The following NME7 variants were observed in gnomAD, a reference collection of about 807,000 sequenced individuals.
NME7 encodes nucleoside diphosphate kinase 7.
In NME7, 41 loss-of-function variants were observed where a neutral mutation model predicts 49.1. The ratio of observed to expected loss-of-function variants is 0.83; its 90% CI spans 0.65 to 1.08. The LOEUF (loss-of-function observed/expected upper bound fraction) is 1.08. NME7 is among the 50% of genes least tolerant of loss of function. NME7 has a pLI of 0.00. For synonymous variants in NME7, 139 were observed against 150.6 expected, an observed-to-expected ratio of 0.92 and a Z score of 0.56; for missense variants, 423 against 463.4, an observed-to-expected ratio of 0.91 and a Z score of 0.80.
At chr1:169,238,091 A>T (rs953433479) in intron 7 of NME7, among the ~76,000 whole-genome samples, 1 of 152,050 alleles carries the variant, frequency 6.6e-6, no homozygotes, top group Non-Finnish European at 1.5e-5. Context: ...GAAAAATCAA[A>T]TTGTAACTGA....
Position 169,298,690 on chromosome 1 carries a change from A to G in NME7, c.514T>C (p.Trp172Arg). 1 of 1,613,878 alleles carries G rather than the reference A, an allele frequency of 6.2e-7. No individual in the cohort carries two copies. Among genetic ancestry groups the G allele is most frequent in the South Asian group, 1.1e-5 (1 of 91,086 alleles). The change falls in exon 6 of 12, where the codon TGG becomes CGG. Residue 172 changes from tryptophan (W) to arginine (R), a missense_variant. Trp to Arg is a moderately radical substitution (Grantham distance 101). Transcript: ENST00000367811. ...TTTGCAGGTCCCAGCAGTCTTTTCC[A>G]TTCACATATAGCATCATCTCTTAAA... is the stretch of plus-strand genomic sequence containing the variant. ...EILRDDAICE[W>R]KRLLGPANSG...
intron 10 of NME7, among the ~76,000 whole-genome samples, chr1:169,184,108 G>A (rs1482501601): frequency 6.6e-6 from 1 of 151,310 alleles, no homozygotes; most frequent in Non-Finnish European, 1.5e-5. Context: ...ATTGTAAACT[G>A]TGACTATGAT....
chr1:169,153,346 T>C (rs761757611), intron 11 of NME7, among the ~76,000 whole-genome samples: 34 of 152,152 alleles, frequency 2.2e-4, no homozygotes, highest in Non-Finnish European at 4.1e-4. Context: ...GTCTCCACAA[T>C]CTAGCTCTAA....
intron 7 of NME7, among the ~76,000 whole-genome samples, chr1:169,274,189 T>C (rs1477648285): frequency 7.5e-6 from 1 of 133,542 alleles, no homozygotes; most frequent in East Asian, 2.0e-4. Flanking sequence ...GTCATTGTGG[T>C]TTTGATTTGC....
At chr1:169,193,192 C>A (rs2179492) in intron 10 of NME7, among the ~76,000 whole-genome samples, 54,112 of 151,732 alleles carry the variant, frequency 0.36, 10,420 homozygotes, top group East Asian at 0.73. Context: ...TACTTACTAT[C>A]TGGAGCTAAT....
chr1:169,180,261 A>G (rs1659887205), intron 10 of NME7, among the ~76,000 whole-genome samples: 1 of 152,228 alleles, frequency 6.6e-6, no homozygotes, highest in South Asian at 2.1e-4. Flanking sequence ...TTGTCTTCAT[A>G]GTATTATAAA....
intron 7 of NME7, among the ~76,000 whole-genome samples, chr1:169,250,852 T>C (rs947380339): frequency 6.6e-6 from 1 of 152,130 alleles, no homozygotes; most frequent in African/African-American, 2.4e-5. Flanking sequence ...TGATAACATT[T>C]CGATTTTTAA....
intron 7 of NME7, chr1:169,247,154 A>G (rs1648358185): frequency 2.2e-6 from 1 of 451,222 alleles, no homozygotes; most frequent in Admixed American, 2.4e-5. Context: ...AGGACAGTCT[A>G]AGAAAAACAA....
chr1:169,354,535 TTTG>T (rs992675497), intron 1 of NME7, among the ~76,000 whole-genome samples: 3 of 151,698 alleles, frequency 2.0e-5, no homozygotes, highest in Admixed American at 6.6e-5. Context: ...AACTTGATTG[TTTG>T]TTAACACAAA....
intron 5 of NME7, chr1:169,302,155 A>C (rs1479969010): frequency 1.3e-5 from 2 of 152,182 alleles, no homozygotes; most frequent in East Asian, 3.8e-4. Flanking sequence ...CTGTTGATGG[A>C]AATGCAAATT....
At chr1:169,152,447 A>G (rs1239805637) in intron 11 of NME7, among the ~76,000 whole-genome samples, 2 of 152,210 alleles carry the variant, frequency 1.3e-5, no homozygotes, top group Admixed American at 1.3e-4. Context: ...CTGATTCCAT[A>G]TGCATTTGCT....
At chr1:169,327,431 C>T (rs1442491376) in intron 1 of NME7, among the ~76,000 whole-genome samples, 1 of 152,086 alleles carries the variant, frequency 6.6e-6, no homozygotes, top group Non-Finnish European at 1.5e-5. Context: ...CACTTTGTTC[C>T]AGAAATCTTA....
At position 169,353,218 on chromosome 1, in the gene NME7, T is replaced by C. The variant is rs185984549; in HGVS notation, c.3+14490A>G. On this transcript the variant is annotated intron_variant, in intron 1 of 11. Coordinates refer to ENST00000367811, the MANE Select transcript of NME7 (RefSeq NM_013330.5). ...AGACACATAGATCAATGGAACAGAA[T>C]AGAGAACCCTGAAACAAATCCATAC... Among the ~76,000 whole-genome samples the C allele has an allele frequency of 6.5e-3, 981 of 152,056 alleles. 5 individuals are homozygous for C. The highest frequency in any genetic ancestry group is 0.023 in the African/African-American group (941 of 41,510).
intron 3 of NME7, among the ~76,000 whole-genome samples, chr1:169,319,087 A>G (rs1362836228): frequency 1.3e-5 from 2 of 151,734 alleles, no homozygotes; most frequent in African/African-American, 2.4e-5. Flanking sequence ...TTTAATTAAA[A>G]TTAAAATGTC....
chr1:169,230,937 T>C (rs1438205298), intron 9 of NME7, 118 bp from the exon 10 acceptor site: 2 of 549,336 alleles, frequency 3.6e-6, no homozygotes, highest in East Asian at 3.2e-5. Context: ...TCCCCACTTA[T>C]ATCCCACATA....
At chr1:169,323,795 GTTTA>G (rs1481009440) in intron 2 of NME7, among the ~76,000 whole-genome samples, 9 of 114,636 alleles carry the variant, frequency 7.9e-5, no homozygotes, top group Non-Finnish European at 5.6e-5. Flanking sequence ...ATAATCACTT[GTTTA>G]TTTCTTATCC....
intron 10 of NME7, among the ~76,000 whole-genome samples, chr1:169,205,242 A>C (rs980290561): frequency 2.0e-5 from 3 of 152,092 alleles, no homozygotes. Context: ...TTGTTTTCCC[A>C]TGATCTTATG....
chr1:169,157,038 A>G (rs2101829236), intron 11 of NME7, among the ~76,000 whole-genome samples: 1 of 152,296 alleles, frequency 6.6e-6, no homozygotes, highest in Admixed American at 6.5e-5. Flanking sequence ...ATGCTGGTGG[A>G]CGTGGCCTTT....
At chr1:169,192,380 T>A (rs1660258010) in intron 10 of NME7, among the ~76,000 whole-genome samples, 1 of 152,148 alleles carries the variant, frequency 6.6e-6, no homozygotes, top group Non-Finnish European at 1.5e-5. Flanking sequence ...TATACAAACT[T>A]TTTTTCTTAT....
Sources: gnomAD v4.1 joint callset for allele counts (sites outside exome capture counted in the v4.1 genomes callset) on GRCh38, gnomAD v4.1.1 for gene constraint, MANE v1.5 for transcripts, NCBI Gene and HGNC (gene_info 2026-07-23, HGNC 2026-07-21) for gene names.